The following SLC44A2 variants were observed in gnomAD, a reference collection of about 807,000 sequenced individuals.
The protein encoded by SLC44A2 is choline transporter-like protein 2.
In SLC44A2, 57 loss-of-function variants were observed where a neutral mutation model predicts 90.8. That is an observed-to-expected ratio of 0.63 (90% CI 0.51 to 0.78). The LOEUF (loss-of-function observed/expected upper bound fraction) is 0.78. Ranked by LOEUF, SLC44A2 falls within the 30% of genes least tolerant of loss-of-function variation. The pLI, the probability that SLC44A2 is intolerant of heterozygous loss-of-function variation, is 0.00. For synonymous variants in SLC44A2, 355 were observed against 360.7 expected (o/e 0.98, Z 0.18); for missense variants, 794 against 919.7 (o/e 0.86, Z 1.77).
intron 1 of SLC44A2, among the ~76,000 whole-genome samples, chr19:10,605,374 CATG>C (rs1918073151): frequency 6.6e-6 from 1 of 151,952 alleles, no homozygotes; most frequent in Non-Finnish European, 1.5e-5. Flanking sequence ...ATTAGCCAGG[CATG>C]GTGGTGCATG....
intron 11 of SLC44A2, 25 bp from the exon 12 acceptor site, chr19:10,634,948 GC>G: frequency 6.2e-7 from 1 of 1,614,178 alleles, no homozygotes; most frequent in Non-Finnish European, 8.5e-7. Flanking sequence ...GGGGAGCCCA[GC>G]CGGCTCAGCC....
intron 10 of SLC44A2, 132 bp downstream of exon 10, chr19:10,632,288 G>C (rs922239021): frequency 8.3e-6 from 6 of 723,680 alleles, no homozygotes; most frequent in South Asian, 1.7e-5. Context: ...TGTAATCCCA[G>C]CACTTTGGGA....
chr19:10,631,230 C>A (rs765155069), intron 5 of SLC44A2, 45 bp from the exon 6 acceptor site: 1 of 1,604,966 alleles, frequency 6.2e-7, no homozygotes. Flanking sequence ...CAGTCCTGAG[C>A]AGTCTGCCCC....
Position 10,629,784 on chromosome 19 carries a change from C to T in SLC44A2, c.246-1273C>T, listed in dbSNP as rs181894558. Among the ~76,000 whole-genome samples, 438 of 150,796 alleles carry T rather than the reference C, an allele frequency of 2.9e-3. 4 individuals carry two copies. Among genetic ancestry groups the T allele is most frequent in the African/African-American group, 1.0e-2 (409 of 41,028 alleles). On this transcript the variant is annotated intron_variant, in intron 4 of 21. Transcript: ENST00000335757. ...TTTTTTTTTTTTTGAGACAGAGTCT[C>T]GCTCTGTCGCCCAGGCTGGAGTGCA...
intron 1 of SLC44A2, among the ~76,000 whole-genome samples, chr19:10,605,024 A>G (rs1412217048): frequency 1.3e-5 from 2 of 152,132 alleles, no homozygotes; most frequent in African/African-American, 2.4e-5. Flanking sequence ...GCAATCCAAA[A>G]CAATAAACTC....
chr19:10,623,940 C>T (rs2066910010), upstream of SLC44A2, among the ~76,000 whole-genome samples: 1 of 152,154 alleles, frequency 6.6e-6, no homozygotes, highest in East Asian at 1.9e-4. Flanking sequence ...CTGCCCGCCT[C>T]GGCCTCCCAC....
At chr19:10,611,494 G>A (rs1918304086) in intron 1 of SLC44A2, among the ~76,000 whole-genome samples, 1 of 151,798 alleles carries the variant, frequency 6.6e-6, no homozygotes, top group Non-Finnish European at 1.5e-5. Context: ...GAGACCCGGT[G>A]CAGTGGTTCA....
At chr19:10,606,577 G>A (rs1390394993) in intron 1 of SLC44A2, among the ~76,000 whole-genome samples, 11 of 152,090 alleles carry the variant, frequency 7.2e-5, no homozygotes, top group Admixed American at 3.9e-4. Context: ...TTGGGAGGCC[G>A]AGGCAAGTGG....
intron 1 of SLC44A2, among the ~76,000 whole-genome samples, chr19:10,610,466 G>A (rs1918260063): frequency 6.7e-6 from 1 of 149,296 alleles, no homozygotes; most frequent in Admixed American, 6.7e-5. Flanking sequence ...CGAGTAGCTG[G>A]GATTACAGGC....
At chr19:10,642,570 C>T (rs2067128611) in intron 21 of SLC44A2, 119 bp downstream of exon 21, 7 of 971,768 alleles carry the variant, frequency 7.2e-6, no homozygotes, top group Non-Finnish European at 1.1e-5. Flanking sequence ...CAGGGCTTGG[C>T]TGTCCCTCGT....
upstream of SLC44A2, chr19:10,625,378 G>C (rs1009203453): frequency 2.2e-5 from 21 of 963,036 alleles, no homozygotes; most frequent in South Asian, 5.3e-5. Flanking sequence ...GTTCCCGGGT[G>C]GGGGCGGGGA....
At chr19:10,618,581 G>A (rs1263464488) in intron 1 of SLC44A2, among the ~76,000 whole-genome samples, 4 of 145,718 alleles carry the variant, frequency 2.7e-5, no homozygotes, top group Admixed American at 1.4e-4. Context: ...CCTGGTTCAC[G>A]CCATTCTCCT....
At chr19:10,641,598 G>C (rs886504599) in intron 20 of SLC44A2, among the ~76,000 whole-genome samples, 2 of 151,796 alleles carry the variant, frequency 1.3e-5, no homozygotes, top group African/African-American at 4.8e-5. Flanking sequence ...CATACCTGTA[G>C]TCCCAGCACT....
chr19:10,623,433 G>A (rs1257863517), upstream of SLC44A2, among the ~76,000 whole-genome samples: 1 of 152,140 alleles, frequency 6.6e-6, no homozygotes, highest in Non-Finnish European at 1.5e-5. Flanking sequence ...ACCTCATGCT[G>A]TCTGTGTACA....
At chr19:10,613,846 T>A (rs531024057) in intron 1 of SLC44A2, among the ~76,000 whole-genome samples, 1 of 152,040 alleles carries the variant, frequency 6.6e-6, no homozygotes. Context: ...AAACAGATTT[T>A]CCCCTAAAAT....
At chr19:10,640,025 G>A (rs985127537) in intron 20 of SLC44A2, among the ~76,000 whole-genome samples, 2 of 149,034 alleles carry the variant, frequency 1.3e-5, no homozygotes, top group African/African-American at 4.9e-5. Context: ...CTATTTAGTA[G>A]TTCTAAGATG....
intron 1 of SLC44A2, among the ~76,000 whole-genome samples, chr19:10,610,666 T>C (rs1918272767): frequency 1.2e-5 from 1 of 85,448 alleles, no homozygotes; most frequent in Non-Finnish European, 2.2e-5. Flanking sequence ...TGAGATGGAG[T>C]TTCACTCTTG....
chr19:10,626,618 G>C (rs559231090), intron 2 of SLC44A2, among the ~76,000 whole-genome samples: 1 of 146,666 alleles, frequency 6.8e-6, no homozygotes, highest in African/African-American at 2.5e-5. Flanking sequence ...GAGATGTTTC[G>C]CTGTGTTGCC....
In SLC44A2 at chr19:10,631,910, C is replaced by T; in HGVS notation, c.669C>T (p.Arg223=). 7 of 1,614,238 alleles carry T rather than the reference C, an allele frequency of 4.3e-6. No homozygotes were observed. Among genetic ancestry groups the T allele is most frequent in the South Asian group, 2.2e-5 (2 of 91,086 alleles). The change falls in exon 9 of 22, where the codon CGC becomes CGT. Residue 223 remains arginine (R), a synonymous_variant. Coordinates refer to ENST00000335757, the MANE Select transcript of SLC44A2 (RefSeq NM_020428.4). ...GVLEARQLAM[R]IFEDYTVSWY... ...TAGAGGCGCGGCAACTCGCCATGCG[C>T]ATATTTGAAGATTACACCGTCTCTT...
Sources: gnomAD v4.1 joint callset for allele counts (sites outside exome capture counted in the v4.1 genomes callset) on GRCh38, gnomAD v4.1.1 for gene constraint, MANE v1.5 for transcripts, NCBI Gene and HGNC (gene_info 2026-07-23, HGNC 2026-07-21) for gene names.